The following TASP1 variants were observed in gnomAD, a reference collection of about 807,000 sequenced individuals.
TASP1 encodes the protein taspase 1.
TASP1 carries 16 observed loss-of-function variants against 56.6 expected under a neutral mutation model. The ratio of observed to expected loss-of-function variants is 0.28; its 90% confidence interval spans 0.19 to 0.43. The LOEUF is 0.43. Ranked by LOEUF, TASP1 falls within the 20% of genes least tolerant of loss-of-function variation. The probability of loss-of-function intolerance (pLI) is 1.00; values close to 1 mark genes in which losing one functional copy is unlikely to be tolerated. For missense variants in TASP1, 393 were observed against 511.6 expected, an observed-to-expected ratio of 0.77 and a Z score of 2.24; for synonymous variants, 179 against 184.2, an observed-to-expected ratio of 0.97 and a Z score of 0.23.
chr20:13,516,743 A>C (rs943860763), intron 10 of TASP1, among the ~76,000 whole-genome samples: 4 of 151,750 alleles, frequency 2.6e-5, no homozygotes, highest in East Asian at 1.9e-4. Flanking sequence ...ACAACAAAGC[A>C]ATGCAAAGTA....
chr20:13,394,310 A>AC (rs1406816936), intron 13 of TASP1, among the ~76,000 whole-genome samples: 1 of 146,010 alleles, frequency 6.8e-6, no homozygotes, highest in East Asian at 2.0e-4. Flanking sequence ...TCCCTCTCAA[A>AC]AAAAAAAAAA....
the TASP1 span, among the ~76,000 whole-genome samples, chr20:13,172,313 A>G: frequency 6.6e-6 from 1 of 152,148 alleles, no homozygotes; most frequent in East Asian, 1.9e-4. Flanking sequence ...ATTTTCACCT[A>G]AAAAGGTAAA....
At chr20:13,108,062 A>G in the TASP1 span, among the ~76,000 whole-genome samples, 1 of 152,030 alleles carries the variant, frequency 6.6e-6, no homozygotes, top group Non-Finnish European at 1.5e-5. Context: ...GCTTTTTCTG[A>G]ATTTCAGGAC....
chr20:13,266,954 T>C, the TASP1 span, among the ~76,000 whole-genome samples: 1 of 152,338 alleles, frequency 6.6e-6, no homozygotes, highest in East Asian at 1.9e-4. Flanking sequence ...TAAGTCCCTT[T>C]GAGAAGAGAT....
intron 5 of TASP1, among the ~76,000 whole-genome samples, chr20:13,585,003 A>C (rs1473934070): frequency 6.6e-6 from 1 of 152,196 alleles, no homozygotes; most frequent in Non-Finnish European, 1.5e-5. Flanking sequence ...TTTTCAAAGA[A>C]TGGGGGAAAA....
At chr20:13,126,865 A>G in the TASP1 span, 1 of 1,151,246 alleles carries the variant, frequency 8.7e-7, no homozygotes, top group Admixed American at 2.9e-5. Context: ...AACTGCCGTT[A>G]GCACACCATA....
chr20:13,412,896 G>A (rs1249248511), intron 13 of TASP1, among the ~76,000 whole-genome samples: 1 of 152,146 alleles, frequency 6.6e-6, no homozygotes, highest in East Asian at 1.9e-4. Context: ...AGACAGATAA[G>A]GTTTTGCTTC....
the TASP1 span, among the ~76,000 whole-genome samples, chr20:13,113,744 C>T: frequency 6.6e-6 from 1 of 152,274 alleles, no homozygotes; most frequent in African/African-American, 2.4e-5. Flanking sequence ...CCATAGAAAG[C>T]TCACAACCAA....
chr20:13,166,612 C>T, the TASP1 span: 1 of 152,198 alleles, frequency 6.6e-6, no homozygotes, highest in Non-Finnish European at 1.5e-5. Flanking sequence ...GGGAGACATA[C>T]TGTTCTTATC....
At chr20:13,156,144 C>A in the TASP1 span, among the ~76,000 whole-genome samples, 58 of 152,260 alleles carry the variant, frequency 3.8e-4, no homozygotes, top group Admixed American at 3.7e-3. Context: ...ATATTCCAAA[C>A]TTGGCTCAGG....
intron 13 of TASP1, among the ~76,000 whole-genome samples, chr20:13,398,489 G>A (rs1309410507): frequency 6.6e-6 from 1 of 152,168 alleles, no homozygotes; most frequent in Non-Finnish European, 1.5e-5. Flanking sequence ...GAAAGGTTCA[G>A]ACATCCTGCA....
intron 1 of TASP1, among the ~76,000 whole-genome samples, chr20:13,634,684 T>G (rs1183737827): frequency 1.5e-5 from 2 of 137,402 alleles, no homozygotes; most frequent in African/African-American, 5.6e-5. Flanking sequence ...GAGTCAAGAT[T>G]GCGCCACTGC....
chr20:13,460,939 T>C (rs986599562), intron 11 of TASP1, among the ~76,000 whole-genome samples: 3 of 152,098 alleles, frequency 2.0e-5, no homozygotes, highest in African/African-American at 7.2e-5. Context: ...CAGGCCAATT[T>C]ATCTTCTCAA....
At chr20:13,200,567 G>A in the TASP1 span, among the ~76,000 whole-genome samples, 1 of 152,122 alleles carries the variant, frequency 6.6e-6, no homozygotes, top group Non-Finnish European at 1.5e-5. Context: ...TCTGTGGTTG[G>A]AAAAAGCACT....
At chr20:13,483,010 A>G (rs567789515) in intron 11 of TASP1, among the ~76,000 whole-genome samples, 4 of 152,296 alleles carry the variant, frequency 2.6e-5, no homozygotes, top group African/African-American at 9.6e-5. Flanking sequence ...TCAGTGTCTT[A>G]CAGCTTGGGG....
At chr20:13,147,379 T>A in the TASP1 span, among the ~76,000 whole-genome samples, 1 of 152,152 alleles carries the variant, frequency 6.6e-6, no homozygotes, top group African/African-American at 2.4e-5. Flanking sequence ...AGCCTCTTGA[T>A]CTTTACCGAG....
At chr20:13,204,143 G>A in the TASP1 span, among the ~76,000 whole-genome samples, 1 of 152,144 alleles carries the variant, frequency 6.6e-6, no homozygotes, top group Non-Finnish European at 1.5e-5. Context: ...TTTGAGTACT[G>A]ATTGGTTTTG....
chr20:13,403,045 G>A (rs1323503767), intron 13 of TASP1, among the ~76,000 whole-genome samples: 1 of 152,206 alleles, frequency 6.6e-6, no homozygotes, highest in Non-Finnish European at 1.5e-5. Context: ...CAAAGTGGTA[G>A]ACCTCTATCA....
At chr20:13,388,611 C>G (rs1457687996), downstream of TASP1, among the ~76,000 whole-genome samples, 1 of 152,094 alleles carries the variant, frequency 6.6e-6, no homozygotes, top group African/African-American at 2.4e-5. Context: ...CCAAAGTGTC[C>G]TGATAGTTTT....
Sources: gnomAD v4.1 joint callset for allele counts (sites outside exome capture counted in the v4.1 genomes callset) on GRCh38, gnomAD v4.1.1 for gene constraint, MANE v1.5 for transcripts, NCBI Gene and HGNC (gene_info 2026-07-23, HGNC 2026-07-21) for gene names.